SETD2: variants seen among roughly 807,000 people sequenced by gnomAD.
The protein encoded by SETD2 is SET domain containing 2, histone lysine methyltransferase.
SETD2 carries 31 observed loss-of-function variants against 242.1 expected under a neutral mutation model. The ratio of observed to expected loss-of-function variants is 0.13; its 90% CI spans 0.10 to 0.17. SETD2 has a LOEUF of 0.17. Among genes scored for constraint, SETD2 ranks in the 10% least tolerant of loss-of-function variants. The pLI is 1.00. For synonymous variants in SETD2, 1,006 were observed against 1,066.5 expected, an observed-to-expected ratio of 0.94 and a Z score of 1.11; for missense variants, 2,481 against 3,046.3, an observed-to-expected ratio of 0.81 and a Z score of 4.37.
Position 47,106,046 on chromosome 3 carries a change from G to C in SETD2, c.4790C>G (p.Ala1597Gly), listed in dbSNP as rs2107696372. Residue 1597 changes from alanine (A) to glycine (G), a missense_variant, in exon 6 of 21, where the codon GCA (alanine) becomes GGA (glycine). Ala to Gly is a moderately conservative substitution (Grantham distance 60). Transcript: ENST00000409792. ...KEFKARVKEYARNKNIHYYFM... is the reference protein window; with the variant it reads ...KEFKARVKEYGRNKNIHYYFM... Reference sequence around the variant, plus strand: ...ATAGTAATGGATGTTTTTGTTTCGTGCATACTCCTTCACTCGAGCTTTAAA... The same window carrying C: ...ATAGTAATGGATGTTTTTGTTTCGTCCATACTCCTTCACTCGAGCTTTAAA... The C allele has an allele frequency of 6.2e-7, 1 of 1,613,490 alleles. No homozygotes were observed. Among genetic ancestry groups the C allele is most frequent in the South Asian group, 1.1e-5 (1 of 91,066 alleles).
At chr3:47,106,811 CAAA>C (rs397989450) in intron 5 of SETD2, among the ~76,000 whole-genome samples, 3 of 113,626 alleles carry the variant, frequency 2.6e-5, no homozygotes, top group African/African-American at 3.8e-5. Flanking sequence ...GACTCCGTCT[CAAA>C]AAAAAAAAAA....
intron 1 of SETD2, among the ~76,000 whole-genome samples, chr3:47,153,848 T>C (rs1276598743): frequency 6.6e-6 from 1 of 151,786 alleles, no homozygotes; most frequent in African/African-American, 2.4e-5. Flanking sequence ...GGAATAAAAA[T>C]TATCTGCTTA....
In SETD2 at chr3:47,057,472, A is replaced by G. The variant is rs2107578260; in HGVS notation, c.6312T>C (p.Ser2104=). 1.9e-6 allele frequency: 3 copies of G among 1,613,998 alleles called. No individual in the cohort carries two copies. The highest frequency in any genetic ancestry group is 2.5e-6 in the Non-Finnish European group (3 of 1,179,908). Reference sequence around the variant, plus strand: ...GGTCTTTAATTCGTACTTTCTTTTTAGAAGTTGGTGTATCATATCTAGAAA... The same window carrying G: ...GGTCTTTAATTCGTACTTTCTTTTTGGAAGTTGGTGTATCATATCTAGAAA... ...RPDDRYDTPT[S]KKKVRIKDRN... Residue 2104 remains serine, a synonymous_variant, in exon 15 of 21, where the codon TCT becomes TCC. Transcript: ENST00000409792.
rs556298023 is a variant in SETD2, at chr3:47,160,629, A to G, written c.71+3225T>C. Among the ~76,000 whole-genome samples the G allele has an allele frequency of 1.7e-3, 253 of 152,188 alleles. 2 individuals carry two copies. The highest frequency in any genetic ancestry group is 5.4e-3 in the African/African-American group (225 of 41,528). On this transcript the variant is annotated intron_variant, in intron 1 of 20. Transcript: ENST00000409792. ...TTGGCCAGAACATTCTATATCATTT[A>G]TTATCACCCCTATTAGGATGTAAAC...
intron 1 of SETD2, among the ~76,000 whole-genome samples, chr3:47,133,655 C>T (rs768132840): frequency 6.6e-6 from 1 of 152,122 alleles, no homozygotes; most frequent in Admixed American, 6.6e-5. Context: ...TTCGCTTGAA[C>T]CCAGGAGGCA....
In SETD2 at chr3:47,120,617, T is replaced by G. The variant is rs141128971; in HGVS notation, c.4019A>C (p.Asn1340Thr). 4 of 1,614,002 alleles carry G rather than the reference T, an allele frequency of 2.5e-6. No individual in the cohort carries two copies. In the African/African-American group the frequency reaches 5.3e-5, roughly 22 times the overall value. ...ATGGGATCCATCCTGTTGATCCCAA[T>G]TCTCCTCTTCTTCACGATCATCTGT... ...SLTDDREEEE[N>T]WDQQDGSHFS... The change falls in exon 3 of 21, where the codon AAT becomes ACT. Residue 1340 changes from asparagine (N) to threonine (T), a missense_variant. Around this residue, in one of 17 missense-constraint regions of SETD2, gnomAD observed 1,300 missense variants for 1,259.2 expected, o/e 1.03. Transcript: ENST00000409792.
intron 1 of SETD2, among the ~76,000 whole-genome samples, chr3:47,134,716 G>A (rs183735745): frequency 1.3e-5 from 2 of 151,386 alleles, no homozygotes; most frequent in East Asian, 3.9e-4. Flanking sequence ...TGCAATCTCC[G>A]CCTCCCAAGT....
chr3:47,042,651 G>T lies in SETD2; in HGVS notation c.7148C>A (p.Pro2383His). 6.2e-7 allele frequency: 1 copy of T among 1,612,718 alleles called. No individual in the cohort carries two copies. The highest frequency in any genetic ancestry group is 8.5e-7 in the Non-Finnish European group (1 of 1,179,564). The change falls in exon 17 of 21, where the codon CCT (proline) becomes CAT (histidine). Residue 2383 changes from proline to histidine, a missense_variant. This residue lies in a region of SETD2 where 235 missense variants were observed against 293.9 expected (regional missense o/e 0.80). Coordinates refer to ENST00000409792, the MANE Select transcript of SETD2 (RefSeq NM_014159.7). ...NNLLDLPPPS[P>H]PKPKTIVLPP... ...TAAGACAATGGTTTTTGGTTTGGGA[G>T]GAGAGGGGGGCGGCAGATCCAAGAG...
chr3:47,055,769 T>C (rs186199534), intron 15 of SETD2, among the ~76,000 whole-genome samples: 3 of 151,800 alleles, frequency 2.0e-5, no homozygotes, highest in African/African-American at 7.2e-5. Flanking sequence ...CACCAGCACT[T>C]TGGGAGGCCG....
rs587778678 is a variant in SETD2 at position 47,101,501 on chromosome 3, A to C, written c.4972T>G (p.Ser1658Ala). Residue 1658 changes from serine (S) to alanine (A), a missense_variant, in exon 8 of 21, where the codon TCA becomes GCA. This residue lies in a region of SETD2 where 61 missense variants were observed against 221.4 expected (regional missense o/e 0.28). Coordinates refer to ENST00000409792, the MANE Select transcript of SETD2 (RefSeq NM_014159.7). The stretch of plus-strand genomic sequence containing the variant: ...TAGTCAAACGTTAACTCTGAGCCTG[A>C]AGGAACCAGTTTGGTGGTAAAAAAC... ...VGFFTTKLVP[S>A]GSELTFDYQF... 2 of 1,613,826 alleles carry C rather than the reference A, an allele frequency of 1.2e-6. No individual in the cohort carries two copies. The highest frequency in any genetic ancestry group is 3.3e-5 in the Admixed American group (2 of 60,016).
chr3:47,056,419 G>A lies in SETD2; in HGVS notation c.6963+402C>T, dbSNP rs537733894. Among the ~76,000 whole-genome samples the A allele has an allele frequency of 1.8e-3, 271 of 152,162 alleles. 1 individual carries two copies. The highest frequency in any genetic ancestry group is 3.1e-3 in the Non-Finnish European group (212 of 68,018). Reference sequence around the variant, plus strand: ...TGGGATTACAGGTGTGAGCTACCACGCCTGGCCTGACCATGATTTTTAGAA... The same window carrying A: ...TGGGATTACAGGTGTGAGCTACCACACCTGGCCTGACCATGATTTTTAGAA... On this transcript the variant is annotated intron_variant, in intron 15 of 20. Coordinates refer to ENST00000409792, the MANE Select transcript of SETD2 (RefSeq NM_014159.7).
Position 47,084,147 on chromosome 3 carries a change from A to G in SETD2, c.5633T>C (p.Phe1878Ser), listed in dbSNP as rs587778665. 2.5e-6 allele frequency: 4 copies of G among 1,613,988 alleles called. No individual in the cohort carries two copies. The highest frequency in any genetic ancestry group is 3.4e-6 in the Non-Finnish European group (4 of 1,180,020). Residue 1878 changes from phenylalanine to serine, a missense_variant, in exon 12 of 21, where the codon TTT (phenylalanine) becomes TCT (serine). Coordinates refer to ENST00000409792, the MANE Select transcript of SETD2 (RefSeq NM_014159.7). The stretch of plus-strand genomic sequence containing the variant: ...TTCACTTATAATTTTCAGTCTGCGA[A>G]ACATTAGTTTCTTGGGAGTGTCTGT... ...ADTDTPKKLM[F>S]RRLKIISENS...
At chr3:47,080,921 A>T (rs775745302) in intron 12 of SETD2, 12 of 986,818 alleles carry the variant, frequency 1.2e-5, no homozygotes, top group Non-Finnish European at 1.3e-5. Flanking sequence ...TTCACCTATT[A>T]TATTTTTCAT....
chr3:47,137,920 C>G (rs891551686), intron 1 of SETD2, among the ~76,000 whole-genome samples: 5 of 151,936 alleles, frequency 3.3e-5, no homozygotes, highest in African/African-American at 4.8e-5. Context: ...AACTCCTGAC[C>G]TCAGGTGATC....
rs757681711 is a variant in SETD2, at chr3:47,095,640, A to C, written c.5142+2315T>G. ...ACTACACTTCCATAGATAAATCTTA[A>C]AGAAACATGTGCAAAAGAGACATGT... On this transcript the variant is annotated intron_variant, in intron 9 of 20. Coordinates refer to ENST00000409792, the MANE Select transcript of SETD2 (RefSeq NM_014159.7). Among the ~76,000 whole-genome samples the C allele has an allele frequency of 2.6e-5, 4 of 152,226 alleles. No homozygotes were observed. The South Asian group carries it at 6.2e-4, about 24-fold the overall frequency.
chr3:47,072,116 G>A (rs2040848008), intron 12 of SETD2, among the ~76,000 whole-genome samples: 1 of 151,870 alleles, frequency 6.6e-6, no homozygotes, highest in African/African-American at 2.4e-5. Context: ...AGACCATCCT[G>A]GCTAACACGG....
At position 47,084,039 on chromosome 3, in the gene SETD2, TTTTC is replaced by T; in HGVS notation, c.5737_5740del (p.Glu1913MetfsTer4). On this transcript the variant is annotated frameshift_variant, in exon 12 of 21. Coordinates refer to ENST00000409792, the MANE Select transcript of SETD2 (RefSeq NM_014159.7). LOFTEE classifies it high-confidence loss of function. ...TTCTTCCTCTTCCTCTACAGGGACATTTTCTAATTGATCAAGATCCTCTTTGCCA... is the reference window on the plus strand; with the variant it reads ...TTCTTCCTCTTCCTCTACAGGGACATTAATTGATCAAGATCCTCTTTGCCA... 6.2e-7 allele frequency: 1 copy of T among 1,614,182 alleles called. No homozygotes were observed. The highest frequency in any genetic ancestry group is 2.2e-5 in the East Asian group (1 of 44,886).
In SETD2 at chr3:47,121,610, A is replaced by ATGGTTAAAT. The variant is rs746695772; in HGVS notation, c.3017_3025dup (p.Asn1006_Thr1008dup). The ATGGTTAAAT allele has an allele frequency of 1.2e-6, 2 of 1,614,166 alleles. No individual in the cohort carries two copies. Among genetic ancestry groups the ATGGTTAAAT allele is most frequent in the Non-Finnish European group, 1.7e-6 (2 of 1,180,014 alleles). On this transcript the variant is annotated inframe_insertion, in exon 3 of 21. Transcript: ENST00000409792. ...ATAAGTTACACCATCACTGTCTTCC[A>ATGGTTAAAT]TGGTTAAATTCAAATCACAAGAAGA...
At chr3:47,055,962 G>T (rs1169748013) in intron 15 of SETD2, among the ~76,000 whole-genome samples, 1 of 117,966 alleles carries the variant, frequency 8.5e-6, no homozygotes, top group Non-Finnish European at 1.6e-5. Flanking sequence ...GCAGTGAACC[G>T]AGATCGCGCC....
Sources: allele counts gnomAD v4.1 joint callset (sites outside exome capture counted in the v4.1 genomes callset), GRCh38; gene constraint gnomAD v4.1.1; regional missense constraint gnomAD v4.1.1; transcripts MANE v1.5; gene names NCBI Gene and HGNC (gene_info 2026-07-23, HGNC 2026-07-21).